FMNL2: variants seen among roughly 807,000 people sequenced by gnomAD.
FMNL2 encodes formin-like protein 2.
In FMNL2, 51 loss-of-function variants were observed where a neutral mutation model predicts 130.2. The observed-to-expected ratio is 0.39, with a 90% CI of 0.31 to 0.49. The LOEUF is 0.49. Ranked by LOEUF, FMNL2 falls within the 20% of genes least tolerant of loss-of-function variation. FMNL2 has a pLI of 0.85. For missense variants in FMNL2, 977 were observed against 1,316.2 expected (o/e 0.74, Z 3.99); for synonymous variants, 465 against 467.1 (o/e 1.00, Z 0.06).
intron 2 of FMNL2, among the ~76,000 whole-genome samples, chr2:152,533,529 T>C (rs1693821907): frequency 6.7e-6 from 1 of 148,582 alleles, no homozygotes; most frequent in African/African-American, 2.5e-5. Flanking sequence ...TGAAATCAGG[T>C]AGTGTCAATT....
At chr2:152,603,129 C>T (rs1395946431) in intron 9 of FMNL2, among the ~76,000 whole-genome samples, 2 of 152,100 alleles carry the variant, frequency 1.3e-5, no homozygotes, top group East Asian at 1.9e-4. Flanking sequence ...TCCTCAGAAA[C>T]AAAGTGGGGC....
chr2:152,377,030 G>C (rs530891522), intron 1 of FMNL2, among the ~76,000 whole-genome samples: 6 of 152,310 alleles, frequency 3.9e-5, no homozygotes, highest in Non-Finnish European at 7.3e-5. Flanking sequence ...ACATAGATCT[G>C]GGATGGAAGC....
intron 6 of FMNL2, among the ~76,000 whole-genome samples, chr2:152,571,366 A>G (rs1558972874): frequency 6.6e-6 from 1 of 152,188 alleles, no homozygotes; most frequent in Non-Finnish European, 1.5e-5. Flanking sequence ...AATAAAGCTC[A>G]TGTGTGCCAA....
intron 1 of FMNL2, among the ~76,000 whole-genome samples, chr2:152,432,434 G>C (rs1687548833): frequency 6.6e-6 from 1 of 152,146 alleles, no homozygotes. Context: ...TTGTTCTAAA[G>C]ATGCACCAGG....
chr2:152,389,421 A>T (rs13418748), intron 1 of FMNL2, among the ~76,000 whole-genome samples: 20,168 of 152,162 alleles, frequency 0.13, 1,581 homozygotes, highest in African/African-American at 0.19. Flanking sequence ...ATCACCTCCC[A>T]AGAGCCCCAT....
At chr2:152,414,009 G>A (rs1686463792) in intron 1 of FMNL2, among the ~76,000 whole-genome samples, 1 of 152,170 alleles carries the variant, frequency 6.6e-6, no homozygotes, top group Admixed American at 6.5e-5. Flanking sequence ...TTTATTTGGA[G>A]TAATGCATCT....
At chr2:152,375,873 C>CTATATATATATATATATATATA (rs1235599536) in intron 1 of FMNL2, among the ~76,000 whole-genome samples, 7 of 113,820 alleles carry the variant, frequency 6.2e-5, no homozygotes, top group Non-Finnish European at 5.2e-5. Flanking sequence ...CTCTCTCTCT[C>CTATATATATATATATATATATA]TCTCTATATA....
chr2:152,629,644 A>T lies in FMNL2; in HGVS notation c.2401-12A>T, dbSNP rs116509727. The stretch of plus-strand genomic sequence containing the variant: ...CTTTTTTCCCCTTTTTCTTTCTTTG[A>T]TTGGAATCTAGCAACTACATGCGAT... On this transcript the variant is annotated splice_polypyrimidine_tract_variant and intron_variant, in intron 18 of 25. Coordinates refer to ENST00000288670, the MANE Select transcript of FMNL2 (RefSeq NM_052905.4). 1,339 of 1,583,454 alleles carry T rather than the reference A, an allele frequency of 8.5e-4. 9 individuals are homozygous for T. In the African/African-American group the frequency reaches 0.015, roughly 18 times the overall value.
chr2:152,372,199 T>C (rs1293196707), intron 1 of FMNL2, among the ~76,000 whole-genome samples: 1 of 152,188 alleles, frequency 6.6e-6, no homozygotes, highest in Non-Finnish European at 1.5e-5. Flanking sequence ...CAAGTACTAT[T>C]TGGCATGCAT....
chr2:152,465,823 A>C (rs1386045627), intron 1 of FMNL2, among the ~76,000 whole-genome samples: 3 of 152,248 alleles, frequency 2.0e-5, no homozygotes, highest in Non-Finnish European at 2.9e-5. Flanking sequence ...AGCAAAGGAA[A>C]GGGGTTCCCT....
rs1681343891 is a variant in FMNL2 at position 152,335,472 on chromosome 2, C to G, written c.-132C>G. ...GGAGCGGTGCGCGCCGCACACCCGCCTGGGCGCGGCGGAGGGCGGGGAGCC... is the reference window on the plus strand; with the variant it reads ...GGAGCGGTGCGCGCCGCACACCCGCGTGGGCGCGGCGGAGGGCGGGGAGCC... On this transcript the variant is annotated 5_prime_UTR_variant, in exon 1 of 26. Transcript: ENST00000288670. 1 of 524,542 alleles carries G rather than the reference C, an allele frequency of 1.9e-6. No homozygotes were observed. Among genetic ancestry groups the G allele is most frequent in the Non-Finnish European group, 3.0e-6 (1 of 332,720 alleles). The allele number at this position is 524,542 out of a possible 1,614,324, so 32.5% of individuals were successfully genotyped here.
At chr2:152,486,417 G>C (rs1460339740) in intron 1 of FMNL2, among the ~76,000 whole-genome samples, 2 of 152,130 alleles carry the variant, frequency 1.3e-5, no homozygotes, top group Non-Finnish European at 2.9e-5. Context: ...ATTTTGACCT[G>C]GAAATATTTC....
chr2:152,418,776 A>G (rs1686752162), intron 1 of FMNL2, among the ~76,000 whole-genome samples: 1 of 152,146 alleles, frequency 6.6e-6, no homozygotes, highest in African/African-American at 2.4e-5. Flanking sequence ...CATTGGTTAC[A>G]AGTATCTGTT....
At chr2:152,487,893 T>A (rs1245073831) in intron 1 of FMNL2, among the ~76,000 whole-genome samples, 1 of 152,036 alleles carries the variant, frequency 6.6e-6, no homozygotes, top group Non-Finnish European at 1.5e-5. Flanking sequence ...GTTCAAGTGA[T>A]GCATGTGCCT....
At chr2:152,625,798 G>A (rs1396412506) in intron 16 of FMNL2, among the ~76,000 whole-genome samples, 1 of 152,136 alleles carries the variant, frequency 6.6e-6, no homozygotes, top group Non-Finnish European at 1.5e-5. Flanking sequence ...AGCATCTTTA[G>A]TGTATGCCAC....
intron 1 of FMNL2, among the ~76,000 whole-genome samples, chr2:152,412,484 AT>A (rs1686369435): frequency 4.0e-5 from 4 of 99,800 alleles, no homozygotes; most frequent in Non-Finnish European, 5.6e-5. Context: ...ATATATATAT[AT>A]ATATATATAT....
At chr2:152,453,785 T>G (rs1688790950) in intron 1 of FMNL2, among the ~76,000 whole-genome samples, 1 of 152,170 alleles carries the variant, frequency 6.6e-6, no homozygotes, top group Admixed American at 6.5e-5. Flanking sequence ...AAAGGGAGAT[T>G]GTGTATAACA....
Position 152,543,474 on chromosome 2 carries a change from C to T in FMNL2, c.282+655C>T, listed in dbSNP as rs541260576. 8.5e-4 allele frequency among the ~76,000 whole-genome samples: 130 copies of T among 152,268 alleles called. 1 individual carries two copies. Among genetic ancestry groups the T allele is most frequent in the African/African-American group, 3.1e-3 (128 of 41,550 alleles). ...ATGTCTCAGGGCAGAGCTGTCCTTG[C>T]TCAAGATGGGTGAAGGGGTGCTTTA... On this transcript the variant is annotated intron_variant, in intron 3 of 25. Coordinates refer to ENST00000288670, the MANE Select transcript of FMNL2 (RefSeq NM_052905.4).
intron 4 of FMNL2, among the ~76,000 whole-genome samples, chr2:152,553,425 A>G (rs751638713): frequency 6.6e-6 from 1 of 152,136 alleles, no homozygotes; most frequent in Non-Finnish European, 1.5e-5. Context: ...ATGGATGAGA[A>G]TACTGAGGGT....
Sources: gnomAD v4.1 joint callset for allele counts (sites outside exome capture counted in the v4.1 genomes callset) on GRCh38, gnomAD v4.1.1 for gene constraint, MANE v1.5 for transcripts, NCBI Gene and HGNC (gene_info 2026-07-23, HGNC 2026-07-21) for gene names.